Variants in DMD observed in about 807,000 individuals in gnomAD.
DMD encodes the protein dystrophin, also known as mutant dystrophin.
Under a neutral mutation model 330.1 loss-of-function variants are expected in DMD, and 63 were observed. The ratio of observed to expected loss-of-function variants is 0.19; its 90% CI spans 0.16 to 0.24. The LOEUF (loss-of-function observed/expected upper bound fraction) is 0.24. Among genes scored for constraint, DMD ranks in the 10% least tolerant of loss-of-function variants. DMD has a pLI of 1.00. For synonymous variants in DMD, 1,223 were observed against 959.8 expected (o/e 1.27, Z -5.07); for missense variants, 3,344 against 2,684.1 (o/e 1.25, Z -5.43).
intron 12 of DMD, among the ~76,000 whole-genome samples, chrX:32,611,980 G>A (rs1210970097): frequency 2.7e-5 from 3 of 111,736 alleles, no homozygotes; most frequent in South Asian, 3.7e-4. Flanking sequence ...ACTGGAGCTC[G>A]AATTCTGGCT....
chrX:31,729,751 G>GT lies in DMD; in HGVS notation c.7543-4dup. The GT allele has an allele frequency of 8.4e-7, 1 of 1,191,453 alleles. No homozygotes were observed. The highest frequency in any genetic ancestry group is 1.8e-5 in the South Asian group (1 of 56,377). On this transcript the variant is annotated splice_polypyrimidine_tract_variant and splice_region_variant and intron_variant, in intron 51 of 78. Coordinates refer to ENST00000357033, the MANE Select transcript of DMD (RefSeq NM_004006.3). The stretch of plus-strand genomic sequence containing the variant: ...TGTTCCAAATCCTGCATTGTTGCCT[G>GT]TAAGAACAAATATCCCTTAGTATCA...
At chrX:33,319,712 C>T (rs1303852226) in intron 1 of DMD, among the ~76,000 whole-genome samples, 1 of 111,959 alleles carries the variant, frequency 8.9e-6, no homozygotes, top group African/African-American at 3.2e-5. Context: ...TGGGACCTGA[C>T]TCACGTAAGA....
At chrX:32,566,072 T>A (rs941547719) in intron 15 of DMD, among the ~76,000 whole-genome samples, 191 bp from the exon 16 acceptor site, 4 of 111,643 alleles carry the variant, frequency 3.6e-5, no homozygotes, top group Non-Finnish European at 7.5e-5. Context: ...CCAAGAAGTT[T>A]GAAGAGAAAA....
chrX:31,599,412 A>G (rs1437470978), intron 55 of DMD, among the ~76,000 whole-genome samples: 1 of 112,204 alleles, frequency 8.9e-6, no homozygotes, highest in African/African-American at 3.2e-5. Context: ...CACCTGGCAC[A>G]GTGTTAAGTA....
chrX:31,440,355 G>C (rs2064852412), intron 60 of DMD, among the ~76,000 whole-genome samples: 1 of 110,503 alleles, frequency 9.0e-6, no homozygotes, highest in African/African-American at 3.3e-5. Context: ...CTATGTGTTG[G>C]CCAGGCCGGT....
intron 55 of DMD, among the ~76,000 whole-genome samples, chrX:31,582,489 G>A (rs1369961794): frequency 1.8e-5 from 2 of 111,880 alleles, no homozygotes; most frequent in South Asian, 3.7e-4. Flanking sequence ...TGGGGGTGAC[G>A]GCATCAGCCT....
intron 2 of DMD, among the ~76,000 whole-genome samples, chrX:32,887,776 A>AAAAAAAAAAAAAAC (rs1259032561): frequency 1.1e-5 from 1 of 95,048 alleles, no homozygotes; most frequent in African/African-American, 3.9e-5. Context: ...AAAAAAAAAA[A>AAAAAAAAAAAAAAC]CATCAACTAA....
intron 11 of DMD, 128 bp from the exon 12 acceptor site, chrX:32,614,581 G>A (rs2057414927): frequency 1.8e-6 from 1 of 567,774 alleles, no homozygotes; most frequent in Admixed American, 3.0e-5. Flanking sequence ...TGGACATTGA[G>A]AAGGATGTAA....
intron 7 of DMD, among the ~76,000 whole-genome samples, chrX:32,723,236 G>A (rs1276089594): frequency 1.8e-5 from 2 of 111,413 alleles, no homozygotes; most frequent in Non-Finnish European, 3.8e-5. Flanking sequence ...CGCATTGATT[G>A]ATTTGTGTAT....
chrX:32,189,865 T>C (rs141935650), intron 44 of DMD, among the ~76,000 whole-genome samples: 126 of 111,318 alleles, frequency 1.1e-3, no homozygotes, highest in African/African-American at 3.5e-3. Context: ...GCACTTATCA[T>C]ACTGTATTGT....
intron 55 of DMD, among the ~76,000 whole-genome samples, chrX:31,520,148 C>G (rs975206056): frequency 6.2e-5 from 7 of 112,081 alleles, no homozygotes; most frequent in African/African-American, 2.3e-4. Flanking sequence ...TGCTAAGGTA[C>G]ATTTCCTCAT....
At chrX:33,115,305 A>G (rs2095372725) in intron 1 of DMD, among the ~76,000 whole-genome samples, 1 of 111,466 alleles carries the variant, frequency 9.0e-6, no homozygotes, top group Admixed American at 9.6e-5. Context: ...CAAAAAGCTA[A>G]AATGGATTGT....
chrX:32,098,785 A>G (rs1453262722), intron 44 of DMD, among the ~76,000 whole-genome samples: 1 of 112,260 alleles, frequency 8.9e-6, no homozygotes, highest in African/African-American at 3.2e-5. Flanking sequence ...TGATTAATGC[A>G]ACTTATGTTT....
chrX:32,471,054 A>T (rs774574677), intron 22 of DMD, among the ~76,000 whole-genome samples: 1 of 111,531 alleles, frequency 9.0e-6, no homozygotes, highest in Non-Finnish European at 1.9e-5. Flanking sequence ...AGGCAGGCAG[A>T]TCATCTGAGG....
At chrX:33,274,644 T>C (rs1046167211) in intron 1 of DMD, among the ~76,000 whole-genome samples, 9 of 111,974 alleles carry the variant, frequency 8.0e-5, no homozygotes, top group African/African-American at 2.9e-4. Context: ...CACTTCTCAA[T>C]AGTTATGTAA....
At chrX:31,833,895 G>A (rs1459804686) in intron 49 of DMD, among the ~76,000 whole-genome samples, 1 of 111,152 alleles carries the variant, frequency 9.0e-6, no homozygotes, top group Non-Finnish European at 1.9e-5. Context: ...TACATCGTGA[G>A]AGATTTTCAT....
intron 12 of DMD, among the ~76,000 whole-genome samples, chrX:32,605,685 TAACTC>T (rs759823438): frequency 9.1e-6 from 1 of 110,305 alleles, no homozygotes; most frequent in Non-Finnish European, 1.9e-5. Flanking sequence ...AATCTAAAAG[TAACTC>T]AACAAGAAGA....
intron 44 of DMD, among the ~76,000 whole-genome samples, chrX:31,971,307 A>G (rs1220549529): frequency 8.9e-6 from 1 of 111,915 alleles, no homozygotes; most frequent in African/African-American, 3.2e-5. Flanking sequence ...TGATCTTGGC[A>G]CTTTTGCTTC....
chrX:31,377,799 C>A lies in DMD; in HGVS notation c.9085-29165G>T, dbSNP rs1418237204. 2.5e-4 allele frequency among the ~76,000 whole-genome samples: 28 copies of A among 111,963 alleles called. 1 individual carries two copies. ...TATACATCCAGAAGGCCTGAAGTAA[C>A]TGAAAAATCACAAAAGAAGTGAAAA... is the stretch of plus-strand genomic sequence containing the variant. On this transcript the variant is annotated intron_variant, in intron 60 of 78. Coordinates refer to ENST00000357033, the MANE Select transcript of DMD (RefSeq NM_004006.3).
Sources: gnomAD v4.1 joint callset for allele counts (sites outside exome capture counted in the v4.1 genomes callset) on GRCh38, gnomAD v4.1.1 for gene constraint, MANE v1.5 for transcripts, NCBI Gene and HGNC (gene_info 2026-07-23, HGNC 2026-07-21) for gene names.